BTRC: variants seen among roughly 807,000 people sequenced by gnomAD.
The protein encoded by BTRC is beta-transducin repeat containing E3 ubiquitin protein ligase.
In BTRC, 42 loss-of-function variants were observed where a neutral mutation model predicts 85.5. The observed-to-expected ratio is 0.49, with a 90% CI of 0.38 to 0.64. BTRC has a LOEUF of 0.64. BTRC is among the 30% of genes least tolerant of loss of function. The pLI is 0.00. For synonymous variants in BTRC, 255 were observed against 263.3 expected, an observed-to-expected ratio of 0.97 and a Z score of 0.30; for missense variants, 594 against 743.5, an observed-to-expected ratio of 0.80 and a Z score of 2.34.
intron 1 of BTRC, among the ~76,000 whole-genome samples, chr10:101,400,532 G>A (rs769273764): frequency 6.6e-6 from 1 of 152,298 alleles, no homozygotes; most frequent in South Asian, 2.1e-4. Context: ...TGATCCATAA[G>A]TCTAATGCTA....
At chr10:101,397,930 G>T (rs1391949898) in intron 1 of BTRC, among the ~76,000 whole-genome samples, 1 of 152,168 alleles carries the variant, frequency 6.6e-6, no homozygotes, top group Non-Finnish European at 1.5e-5. Context: ...AGCTTCTTAA[G>T]TGTTTTTAAA....
At chr10:101,493,682 G>T (rs1042288830) in intron 4 of BTRC, among the ~76,000 whole-genome samples, 1 of 152,030 alleles carries the variant, frequency 6.6e-6, no homozygotes, top group Admixed American at 6.6e-5. Flanking sequence ...TACATCTTAG[G>T]TTTGTTTTTC....
chr10:101,466,591 A>G (rs1333015880), intron 3 of BTRC, among the ~76,000 whole-genome samples: 1 of 152,178 alleles, frequency 6.6e-6, no homozygotes, highest in Non-Finnish European at 1.5e-5. Context: ...ATCCTCTTCA[A>G]GGATACTTTG....
At chr10:101,425,167 A>G (rs1200857010) in intron 1 of BTRC, among the ~76,000 whole-genome samples, 1 of 152,180 alleles carries the variant, frequency 6.6e-6, no homozygotes, top group Non-Finnish European at 1.5e-5. Flanking sequence ...TCCATGGTAT[A>G]TGTGTACTGC....
chr10:101,442,296 ATGTGTG>A (rs139018865), intron 2 of BTRC, among the ~76,000 whole-genome samples: 3 of 142,094 alleles, frequency 2.1e-5, no homozygotes, highest in African/African-American at 5.2e-5. Context: ...CTCTGTGTGT[ATGTGTG>A]TGTGTGTGTG....
chr10:101,420,104 C>A (rs1002435830), intron 1 of BTRC, among the ~76,000 whole-genome samples: 1 of 151,870 alleles, frequency 6.6e-6, no homozygotes, highest in African/African-American at 2.4e-5. Flanking sequence ...CTAGGAATTT[C>A]TCGGTGTAAT....
intron 6 of BTRC, among the ~76,000 whole-genome samples, chr10:101,529,448 CAATA>C (rs1311213737): frequency 2.6e-5 from 4 of 152,122 alleles, no homozygotes; most frequent in African/African-American, 9.7e-5. Context: ...CATTGAGAAA[CAATA>C]AAGTAGTTAA....
At chr10:101,389,119 GTTTTTTTTTTTT>G (rs1188561028) in intron 1 of BTRC, among the ~76,000 whole-genome samples, 6 of 41,556 alleles carry the variant, frequency 1.4e-4, no homozygotes, top group Non-Finnish European at 2.4e-4. Flanking sequence ...TTTTGTGTGT[GTTTTTTTTTTTT>G]TTTTTTTTTT....
In BTRC at chr10:101,457,731, G is replaced by A. The variant is rs374741700; in HGVS notation, c.157-4250G>A. Reference sequence around the variant, plus strand: ...TTAAAGTTAAGCAGTAGAATATAACGTTAATTACATTTGATGGAATTTTCC... The same window carrying A: ...TTAAAGTTAAGCAGTAGAATATAACATTAATTACATTTGATGGAATTTTCC... On this transcript the variant is annotated intron_variant, in intron 2 of 14. Transcript: ENST00000370187. Among the ~76,000 whole-genome samples, 37 of 152,174 alleles carry A rather than the reference G, an allele frequency of 2.4e-4. No individual in the cohort carries two copies. In the South Asian group the frequency reaches 7.3e-3, roughly 30 times the overall value.
At chr10:101,385,366 C>CAAAAAAAA in intron 1 of BTRC, among the ~76,000 whole-genome samples, 1 of 82,920 alleles carries the variant, frequency 1.2e-5, no homozygotes. Context: ...GACTCTGTCT[C>CAAAAAAAA]AAAAAAAAAA....
intron 4 of BTRC, among the ~76,000 whole-genome samples, chr10:101,509,889 C>T (rs1427491818): frequency 2.0e-5 from 3 of 151,684 alleles, no homozygotes; most frequent in Non-Finnish European, 2.9e-5. Context: ...TGCTTTTGGC[C>T]GGGTGCGATG....
At chr10:101,535,847 G>C (rs536033058) in intron 11 of BTRC, among the ~76,000 whole-genome samples, 1 of 152,288 alleles carries the variant, frequency 6.6e-6, no homozygotes, top group East Asian at 1.9e-4. Flanking sequence ...AGATTTCACA[G>C]TTGGAAGTCC....
intron 1 of BTRC, among the ~76,000 whole-genome samples, chr10:101,426,542 A>G (rs1320811439): frequency 6.6e-6 from 1 of 152,150 alleles, no homozygotes; most frequent in Admixed American, 6.6e-5. Flanking sequence ...AGCACTTTCA[A>G]ATTCTTTGTT....
chr10:101,548,987 A>G (rs1036177998), intron 13 of BTRC, among the ~76,000 whole-genome samples: 5 of 151,340 alleles, frequency 3.3e-5, no homozygotes, highest in Admixed American at 2.0e-4. Flanking sequence ...CAGGAGGCGG[A>G]GGTTGCAGTG....
At chr10:101,424,922 C>G (rs1475423548) in intron 1 of BTRC, among the ~76,000 whole-genome samples, 1 of 152,010 alleles carries the variant, frequency 6.6e-6, no homozygotes, top group Non-Finnish European at 1.5e-5. Flanking sequence ...TGCAAAGTAC[C>G]CATAGGTAGT....
At chr10:101,398,650 T>C (rs1179594158) in intron 1 of BTRC, among the ~76,000 whole-genome samples, 5 of 152,204 alleles carry the variant, frequency 3.3e-5, no homozygotes, top group Admixed American at 3.3e-4. Flanking sequence ...AGTTGAACAT[T>C]ATCTGAGTGT....
At chr10:101,366,833 TATATATTTATGTATATTA>T (rs1266042539) in intron 1 of BTRC, among the ~76,000 whole-genome samples, 4 of 85,256 alleles carry the variant, frequency 4.7e-5, no homozygotes, top group Admixed American at 2.2e-4. Context: ...TATATATTTA[TATATATTTATGTATATTA>T]ATATATATTT....
At chr10:101,542,166 G>C (rs2062478413) in intron 13 of BTRC, among the ~76,000 whole-genome samples, 1 of 151,940 alleles carries the variant, frequency 6.6e-6, no homozygotes, top group Non-Finnish European at 1.5e-5. Flanking sequence ...CAAGCAGTTT[G>C]GCCGTTTTAT....
At chr10:101,442,074 T>C (rs1462173400) in intron 2 of BTRC, among the ~76,000 whole-genome samples, 1 of 152,144 alleles carries the variant, frequency 6.6e-6, no homozygotes, top group African/African-American at 2.4e-5. Flanking sequence ...CAGAAAAGCA[T>C]AGAAAAGCAT....
Sources: allele counts gnomAD v4.1 joint callset (sites outside exome capture counted in the v4.1 genomes callset), GRCh38; gene constraint gnomAD v4.1.1; transcripts MANE v1.5; gene names NCBI Gene and HGNC (gene_info 2026-07-23, HGNC 2026-07-21).